Variants in RIC1 observed in about 807,000 individuals in gnomAD.
RIC1 encodes the protein RIC1 partner of RAB6A GEF complex.
A neutral mutation model predicts 169.0 loss-of-function variants in RIC1; 88 were observed. The ratio of observed to expected loss-of-function variants is 0.52; its 90% CI spans 0.44 to 0.62. The LOEUF (loss-of-function observed/expected upper bound fraction) is 0.62. RIC1 is among the 20% of genes least tolerant of loss of function. The pLI, the probability that RIC1 is intolerant of heterozygous loss-of-function variation, is 0.00. For synonymous variants in RIC1, 790 were observed against 601.5 expected, an observed-to-expected ratio of 1.31 and a Z score of -4.59; for missense variants, 1,877 against 1,725.5, an observed-to-expected ratio of 1.09 and a Z score of -1.56.
chr9:5,739,343 C>T (rs993188419), intron 8 of RIC1, among the ~76,000 whole-genome samples: 6 of 152,162 alleles, frequency 3.9e-5, no homozygotes, highest in Admixed American at 1.3e-4. Context: ...GCTTTAAATG[C>T]AGAATCCCTA....
chr9:5,657,701 A>G (rs1241720931), intron 2 of RIC1, among the ~76,000 whole-genome samples: 2 of 152,158 alleles, frequency 1.3e-5, no homozygotes, highest in East Asian at 3.8e-4. Context: ...AAATGTTCAT[A>G]TGATGAAAAA....
intron 1 of RIC1, among the ~76,000 whole-genome samples, chr9:5,647,503 C>T (rs1235717476): frequency 6.6e-6 from 1 of 152,170 alleles, no homozygotes; most frequent in Admixed American, 6.5e-5. Context: ...GCAGTTTTCA[C>T]TGTAGAAGTC....
At chr9:5,756,665 A>G (rs965793663) in intron 16 of RIC1, among the ~76,000 whole-genome samples, 1 of 152,160 alleles carries the variant, frequency 6.6e-6, no homozygotes, top group African/African-American at 2.4e-5. Flanking sequence ...TTGAAAATAA[A>G]TGGTTACTGA....
chr9:5,667,761 T>A (rs1434569123), intron 2 of RIC1, among the ~76,000 whole-genome samples: 1 of 152,162 alleles, frequency 6.6e-6, no homozygotes, highest in African/African-American at 2.4e-5. Flanking sequence ...TGCCTTGGCC[T>A]GTCAAGTGCT....
rs75211787 is a variant in RIC1, at chr9:5,691,167, T to C, written c.332+1129T>C. Among the ~76,000 whole-genome samples, 806 of 152,026 alleles carry C rather than the reference T, an allele frequency of 5.3e-3. 13 individuals carry two copies. Among genetic ancestry groups the C allele is most frequent in the African/African-American group, 0.019 (770 of 41,534 alleles). On this transcript the variant is annotated intron_variant, in intron 3 of 25. Coordinates refer to ENST00000414202, the MANE Select transcript of RIC1 (RefSeq NM_020829.4). ...TTATGTCTCAGAAAAATGTATAAAC[T>C]TAAGAACTTGACCATATTATAATGC... is the stretch of plus-strand genomic sequence containing the variant.
intron 2 of RIC1, among the ~76,000 whole-genome samples, chr9:5,661,093 A>C (rs1563877396): frequency 6.6e-6 from 1 of 152,194 alleles, no homozygotes; most frequent in Non-Finnish European, 1.5e-5. Flanking sequence ...TACATGGGGA[A>C]TCCTTTCCCC....
intron 17 of RIC1, among the ~76,000 whole-genome samples, chr9:5,759,311 T>C (rs780899859): frequency 1.3e-5 from 2 of 152,166 alleles, no homozygotes; most frequent in Non-Finnish European, 2.9e-5. Context: ...TCACAAGAAT[T>C]ATTGCCAAAA....
chr9:5,726,532 C>G (rs187776036), intron 6 of RIC1, among the ~76,000 whole-genome samples: 1 of 152,090 alleles, frequency 6.6e-6, no homozygotes. Context: ...GTCTTTTAAT[C>G]GGAGCATTTA....
Position 5,690,004 on chromosome 9 carries a change from G to T in RIC1, c.298G>T (p.Gly100Trp), listed in dbSNP as rs752450297. The T allele has an allele frequency of 1.9e-6, 3 of 1,599,680 alleles. No homozygotes were observed. In the East Asian group the frequency reaches 6.7e-5, roughly 36 times the overall value. ...ILFFHITSTRGDKYLYEPVYP... is the reference protein window; with the variant it reads ...ILFFHITSTRWDKYLYEPVYP... ...GTTTTTTCATATTACATCTACAAGA[G>T]GGGACAAGTACCTTTATGAACCAGT... Residue 100 changes from glycine to tryptophan, a missense_variant, in exon 3 of 26, where the codon GGG becomes TGG. Gly to Trp is a radical substitution (Grantham distance 184). Around this residue, in one of 3 missense-constraint regions of RIC1, gnomAD observed 1,104 missense variants for 992.0 expected, o/e 1.11. Coordinates refer to ENST00000414202, the MANE Select transcript of RIC1 (RefSeq NM_020829.4).
chr9:5,744,221 A>C (rs1035493089), intron 10 of RIC1, among the ~76,000 whole-genome samples: 2 of 152,006 alleles, frequency 1.3e-5, no homozygotes, highest in African/African-American at 4.8e-5. Flanking sequence ...TGTTCAGATG[A>C]GGCCTTTTTT....
intron 6 of RIC1, among the ~76,000 whole-genome samples, chr9:5,730,801 A>G (rs1824327193): frequency 6.6e-6 from 1 of 152,146 alleles, no homozygotes; most frequent in South Asian, 2.1e-4. Flanking sequence ...TTCTTCTTCT[A>G]TATAACTTGA....
chr9:5,640,227 C>A (rs1818172943), intron 1 of RIC1, among the ~76,000 whole-genome samples: 2 of 152,066 alleles, frequency 1.3e-5, no homozygotes, highest in African/African-American at 4.8e-5. Context: ...TTTTGTGTAT[C>A]TGTTGTGTTT....
chr9:5,770,117 C>T lies in RIC1; in HGVS notation c.3455C>T (p.Ala1152Val), dbSNP rs987404847. 2.5e-6 allele frequency: 4 copies of T among 1,613,150 alleles called. No homozygotes were observed. The highest frequency in any genetic ancestry group is 1.6e-4 in the Middle Eastern group (1 of 6,074). ...VGEQLLKSQS[A>V]DPFLNLEMDA... ...GAGCAGCTGTTAAAGTCTCAATCAG[C>T]TGACCCATTTTTGAACCTTGAGATG... The change falls in exon 23 of 26, where the codon GCT (alanine) becomes GTT (valine). Residue 1152 changes from alanine (A) to valine (V), a missense_variant. Coordinates refer to ENST00000414202, the MANE Select transcript of RIC1 (RefSeq NM_020829.4).
At chr9:5,647,021 C>T (rs1023828992) in intron 1 of RIC1, among the ~76,000 whole-genome samples, 1 of 152,130 alleles carries the variant, frequency 6.6e-6, no homozygotes, top group African/African-American at 2.4e-5. Flanking sequence ...TATTTTTTTA[C>T]ATGTGGATAT....
chr9:5,631,701 A>C (rs1228426592), intron 1 of RIC1, among the ~76,000 whole-genome samples: 1 of 151,856 alleles, frequency 6.6e-6, no homozygotes, highest in Non-Finnish European at 1.5e-5. Context: ...AAAAAAAAAA[A>C]AAAAATCAAA....
chr9:5,661,589 G>A (rs1489924002), intron 2 of RIC1, among the ~76,000 whole-genome samples: 1 of 152,022 alleles, frequency 6.6e-6, no homozygotes, highest in Non-Finnish European at 1.5e-5. Flanking sequence ...TTATTCATTT[G>A]TGACCAACTG....
At chr9:5,659,083 A>T (rs1463647147) in intron 2 of RIC1, among the ~76,000 whole-genome samples, 2 of 152,140 alleles carry the variant, frequency 1.3e-5, no homozygotes. Flanking sequence ...TCTAATTCTC[A>T]TTAGTGGATG....
chr9:5,661,649 T>C (rs896007292), intron 2 of RIC1, among the ~76,000 whole-genome samples: 13 of 152,120 alleles, frequency 8.5e-5, no homozygotes, highest in African/African-American at 3.1e-4. Context: ...TGTTGATGTA[T>C]AAGAATGCTA....
At chr9:5,634,056 A>G (rs1449986011) in intron 1 of RIC1, among the ~76,000 whole-genome samples, 1 of 151,942 alleles carries the variant, frequency 6.6e-6, no homozygotes, top group Non-Finnish European at 1.5e-5. Context: ...AGATGGCAGG[A>G]TTTCCTTGTT....
Sources: allele counts gnomAD v4.1 joint callset (sites outside exome capture counted in the v4.1 genomes callset), GRCh38; gene constraint gnomAD v4.1.1; regional missense constraint gnomAD v4.1.1; transcripts MANE v1.5; gene names NCBI Gene and HGNC (gene_info 2026-07-23, HGNC 2026-07-21).